Variants in DOCK3 observed in about 807,000 individuals in gnomAD.
The protein encoded by DOCK3 is dedicator of cytokinesis protein 3.
A neutral mutation model predicts 265.6 loss-of-function variants in DOCK3; 60 were observed. The ratio of observed to expected loss-of-function variants is 0.23; its 90% confidence interval spans 0.18 to 0.28. The LOEUF is 0.28. DOCK3 is among the 10% of genes least tolerant of loss of function. The probability of loss-of-function intolerance (pLI) is 1.00; values close to 1 mark genes in which losing one functional copy is unlikely to be tolerated. For missense variants in DOCK3, 1,981 were observed against 2,594.3 expected, an observed-to-expected ratio of 0.76 and a Z score of 5.14; for synonymous variants, 881 against 938.0, an observed-to-expected ratio of 0.94 and a Z score of 1.11.
chr3:51,251,489 A>T (rs1382216259), intron 22 of DOCK3, among the ~76,000 whole-genome samples: 2 of 152,234 alleles, frequency 1.3e-5, no homozygotes, highest in Admixed American at 1.3e-4. Flanking sequence ...TTCCACCAAC[A>T]GTGTAAAAGC....
At chr3:50,914,238 G>A (rs1273847453) in intron 4 of DOCK3, among the ~76,000 whole-genome samples, 1 of 151,412 alleles carries the variant, frequency 6.6e-6, no homozygotes, top group Non-Finnish European at 1.5e-5. Flanking sequence ...TTTAGGTTTG[G>A]TTTGTTCTTG....
chr3:51,369,004 A>G (rs536061894), intron 49 of DOCK3, among the ~76,000 whole-genome samples: 1 of 152,364 alleles, frequency 6.6e-6, no homozygotes, highest in South Asian at 2.1e-4. Flanking sequence ...AAACTAACAA[A>G]CAGAAAGGAC....
chr3:50,944,329 T>G (rs1037529261), intron 5 of DOCK3, among the ~76,000 whole-genome samples: 1 of 152,240 alleles, frequency 6.6e-6, no homozygotes, highest in African/African-American at 2.4e-5. Flanking sequence ...TATGCATTCC[T>G]GTCAGAATGA....
intron 2 of DOCK3, among the ~76,000 whole-genome samples, chr3:50,837,076 A>G (rs1004777757): frequency 1.3e-5 from 2 of 152,192 alleles, no homozygotes; most frequent in Non-Finnish European, 2.9e-5. Flanking sequence ...GGAAGTTCCA[A>G]ACTTTCCCAC....
intron 5 of DOCK3, among the ~76,000 whole-genome samples, chr3:51,017,397 T>C (rs1204701780): frequency 6.6e-6 from 1 of 151,736 alleles, no homozygotes; most frequent in Non-Finnish European, 1.5e-5. Context: ...TTTCACTGGC[T>C]AACTTTGAGT....
intron 21 of DOCK3, among the ~76,000 whole-genome samples, chr3:51,244,633 C>T (rs2108546880): frequency 6.6e-6 from 1 of 152,216 alleles, no homozygotes; most frequent in South Asian, 2.1e-4. Context: ...GAAAACAGAG[C>T]ATTTTATTCT....
intron 2 of DOCK3, among the ~76,000 whole-genome samples, chr3:50,791,190 G>A (rs1308398759): frequency 1.3e-5 from 2 of 149,556 alleles, no homozygotes; most frequent in African/African-American, 2.5e-5. Context: ...CTGTTCCTAT[G>A]TTCCGAATGG....
chr3:51,152,669 A>G (rs373316500), intron 10 of DOCK3, among the ~76,000 whole-genome samples: 3 of 152,016 alleles, frequency 2.0e-5, no homozygotes. Flanking sequence ...TGATCTACAG[A>G]TGGGGTTTTG....
In DOCK3 at chr3:50,953,287, A is replaced by C. The variant is rs147054835; in HGVS notation, c.315+19210A>C. Among the ~76,000 whole-genome samples, 305 of 152,302 alleles carry C rather than the reference A, an allele frequency of 2.0e-3. 3 individuals are homozygous for C. The highest frequency in any genetic ancestry group is 6.7e-3 in the African/African-American group (278 of 41,586). ...TTCTAGGATAGTCCACAAGTGAATGAATGGCTGCTTGATCTACTACATTTC... is the reference window on the plus strand; with the variant it reads ...TTCTAGGATAGTCCACAAGTGAATGCATGGCTGCTTGATCTACTACATTTC... On this transcript the variant is annotated intron_variant, in intron 5 of 52. Coordinates refer to ENST00000266037, the MANE Select transcript of DOCK3 (RefSeq NM_004947.5).
intron 22 of DOCK3, 107 bp from the exon 23 acceptor site, chr3:51,260,049 C>A: frequency 1.7e-6 from 2 of 1,166,336 alleles, no homozygotes; most frequent in Non-Finnish European, 2.3e-6. Context: ...TGCCCAACAC[C>A]TGATTTTGGT....
chr3:50,771,592 C>T (rs965798090), intron 1 of DOCK3, among the ~76,000 whole-genome samples: 1 of 152,176 alleles, frequency 6.6e-6, no homozygotes, highest in East Asian at 1.9e-4. Flanking sequence ...TGGCTCACAC[C>T]TGTAATCCTA....
At chr3:51,209,286 A>G (rs189156500) in intron 13 of DOCK3, among the ~76,000 whole-genome samples, 2 of 152,340 alleles carry the variant, frequency 1.3e-5, no homozygotes, top group Admixed American at 1.3e-4. Flanking sequence ...GACCATAATG[A>G]GAATCAGTGA....
At chr3:50,724,453 A>G (rs977607864) in intron 1 of DOCK3, among the ~76,000 whole-genome samples, 53 of 152,370 alleles carry the variant, frequency 3.5e-4, no homozygotes, top group African/African-American at 1.2e-3. Context: ...AATGCCCATC[A>G]ATGATAGACT....
chr3:50,713,178 A>G (rs1160294927), intron 1 of DOCK3, among the ~76,000 whole-genome samples: 2 of 152,226 alleles, frequency 1.3e-5, no homozygotes, highest in African/African-American at 2.4e-5. Context: ...AGGAAGTCCT[A>G]TAAAGGAGAC....
At chr3:51,009,398 T>C (rs901680687) in intron 5 of DOCK3, among the ~76,000 whole-genome samples, 19 of 152,222 alleles carry the variant, frequency 1.2e-4, no homozygotes, top group African/African-American at 4.6e-4. Context: ...TTCTAGTTTA[T>C]TTTTATAGAG....
chr3:51,123,333 A>C, intron 9 of DOCK3, among the ~76,000 whole-genome samples: 1 of 151,998 alleles, frequency 6.6e-6, no homozygotes, highest in Non-Finnish European at 1.5e-5. Context: ...GCCCTACCCT[A>C]TATTCTTTGA....
chr3:51,261,871 C>T (rs1350448412), intron 23 of DOCK3, among the ~76,000 whole-genome samples: 1 of 152,168 alleles, frequency 6.6e-6, no homozygotes, highest in Non-Finnish European at 1.5e-5. Context: ...TAGATTCCTC[C>T]TCTGTGGGCA....
At chr3:51,120,012 A>G (rs896904066) in intron 9 of DOCK3, among the ~76,000 whole-genome samples, 2 of 152,054 alleles carry the variant, frequency 1.3e-5, no homozygotes, top group Non-Finnish European at 2.9e-5. Flanking sequence ...CTTGCTAGCA[A>G]GGAGTTGTGA....
chr3:51,247,462 A>AAAAC (rs371138652), intron 22 of DOCK3, among the ~76,000 whole-genome samples: 19 of 152,294 alleles, frequency 1.2e-4, no homozygotes, highest in Admixed American at 3.3e-4. Context: ...TTCTGCTGTT[A>AAAAC]AAACAAACAA....
Sources: allele counts gnomAD v4.1 joint callset (sites outside exome capture counted in the v4.1 genomes callset), GRCh38; gene constraint gnomAD v4.1.1; transcripts MANE v1.5; gene names NCBI Gene and HGNC (gene_info 2026-07-23, HGNC 2026-07-21).